Variants in FHOD3 observed in about 807,000 individuals in gnomAD.
FHOD3 encodes the protein FH1/FH2 domain-containing protein 3.
FHOD3 carries 90 observed loss-of-function variants against 173.0 expected under a neutral mutation model. The ratio of observed to expected loss-of-function variants is 0.52; its 90% CI spans 0.44 to 0.62. The LOEUF (loss-of-function observed/expected upper bound fraction) is 0.62, where lower values mean the gene tolerates loss of function less well. Among genes scored for constraint, FHOD3 ranks in the 20% least tolerant of loss-of-function variants. The pLI is 0.00. For synonymous variants in FHOD3, 828 were observed against 823.0 expected (o/e 1.01, Z -0.10); for missense variants, 1,945 against 2,034.7 (o/e 0.96, Z 0.85).
intron 1 of FHOD3, among the ~76,000 whole-genome samples, chr18:36,319,481 A>G (rs575213001): frequency 1.3e-5 from 2 of 152,250 alleles, no homozygotes; most frequent in Non-Finnish European, 2.9e-5. Flanking sequence ...ACCCAGATTC[A>G]TAAAGCAAGT....
At chr18:36,546,640 G>T (rs914178138) in intron 5 of FHOD3, among the ~76,000 whole-genome samples, 4 of 152,162 alleles carry the variant, frequency 2.6e-5, no homozygotes, top group Non-Finnish European at 5.9e-5. Flanking sequence ...AGGTTTGTCT[G>T]TCGCAAGATG....
chr18:36,661,064 A>T (rs1301320014), intron 14 of FHOD3, among the ~76,000 whole-genome samples: 2 of 152,024 alleles, frequency 1.3e-5, no homozygotes, highest in Admixed American at 1.3e-4. Flanking sequence ...TTTTATTAAG[A>T]CCAGGAAGCC....
At chr18:36,460,093 T>C (rs1254051196) in intron 3 of FHOD3, among the ~76,000 whole-genome samples, 7 of 152,218 alleles carry the variant, frequency 4.6e-5, no homozygotes, top group African/African-American at 1.7e-4. Flanking sequence ...TAATGTGCCA[T>C]TCTCACCACA....
chr18:36,401,103 G>C (rs1449652289), intron 3 of FHOD3, among the ~76,000 whole-genome samples: 1 of 152,180 alleles, frequency 6.6e-6, no homozygotes, highest in Non-Finnish European at 1.5e-5. Context: ...GTGATGCATG[G>C]CGTGCTGTGG....
chr18:36,705,988 T>C (rs1470216457), intron 17 of FHOD3, among the ~76,000 whole-genome samples: 2 of 133,530 alleles, frequency 1.5e-5, no homozygotes, highest in Non-Finnish European at 3.2e-5. Context: ...TGTGTGTGTG[T>C]GTGCACGGAG....
chr18:36,513,988 T>C lies in FHOD3; in HGVS notation c.511+1445T>C, dbSNP rs16967913. On this transcript the variant is annotated intron_variant, in intron 5 of 28. Transcript: ENST00000590592. ...TTACAAGTTGTCAGGAGAGATGCTTTATTGCTGAATTTTGCTATTTCTATT... is the reference window on the plus strand; with the variant it reads ...TTACAAGTTGTCAGGAGAGATGCTTCATTGCTGAATTTTGCTATTTCTATT... Among the ~76,000 whole-genome samples the C allele has an allele frequency of 9.6e-3, 1,437 of 150,242 alleles. 18 individuals are homozygous for C. The highest frequency in any genetic ancestry group is 0.033 in the African/African-American group (1,343 of 41,014).
chr18:36,650,264 A>G (rs2035961494), intron 11 of FHOD3, among the ~76,000 whole-genome samples: 1 of 152,132 alleles, frequency 6.6e-6, no homozygotes, highest in South Asian at 2.1e-4. Flanking sequence ...GAATCCAAGT[A>G]AAATCTTTGC....
chr18:36,655,439 C>A (rs1295006792), intron 13 of FHOD3, among the ~76,000 whole-genome samples: 1 of 151,768 alleles, frequency 6.6e-6, no homozygotes, highest in Middle Eastern at 3.2e-3. Context: ...GGGGTGGGAG[C>A]AATAGAAACA....
At chr18:36,728,087 G>A (rs1400323741) in intron 19 of FHOD3, among the ~76,000 whole-genome samples, 1 of 152,132 alleles carries the variant, frequency 6.6e-6, no homozygotes, top group African/African-American at 2.4e-5. Flanking sequence ...TTTTTAATCA[G>A]GAAAACAAAA....
intron 1 of FHOD3, among the ~76,000 whole-genome samples, chr18:36,300,215 G>A (rs1243038378): frequency 6.6e-6 from 1 of 152,186 alleles, no homozygotes; most frequent in African/African-American, 2.4e-5. Flanking sequence ...GTGGGGAACT[G>A]AGATTCAAAC....
At chr18:36,566,596 T>C (rs983253511) in intron 5 of FHOD3, among the ~76,000 whole-genome samples, 1 of 152,196 alleles carries the variant, frequency 6.6e-6, no homozygotes, top group African/African-American at 2.4e-5. Context: ...AGCTGAAGTA[T>C]TTCATGCCTT....
chr18:36,665,584 G>A (rs953483273), intron 14 of FHOD3, among the ~76,000 whole-genome samples: 1 of 151,624 alleles, frequency 6.6e-6, no homozygotes, highest in Non-Finnish European at 1.5e-5. Context: ...GGCCTGGTGG[G>A]GGGGCAGGGA....
chr18:36,611,527 C>T (rs2032674538), intron 8 of FHOD3, among the ~76,000 whole-genome samples: 1 of 152,188 alleles, frequency 6.6e-6, no homozygotes, highest in African/African-American at 2.4e-5. Flanking sequence ...AATCTCTTTC[C>T]AGTCCAGCTC....
At chr18:36,547,982 A>G (rs901243670) in intron 5 of FHOD3, among the ~76,000 whole-genome samples, 11 of 152,348 alleles carry the variant, frequency 7.2e-5, no homozygotes, top group African/African-American at 2.6e-4. Flanking sequence ...ACCTGAGGTC[A>G]GGAGTTAGAG....
chr18:36,702,465 G>A (rs1003667456), intron 17 of FHOD3, among the ~76,000 whole-genome samples: 4 of 152,162 alleles, frequency 2.6e-5, no homozygotes, highest in Middle Eastern at 3.2e-3. Flanking sequence ...TCAGATTTCT[G>A]TGATTAAAAC....
chr18:36,712,011 C>G (rs1473309955), intron 18 of FHOD3, among the ~76,000 whole-genome samples: 1 of 152,188 alleles, frequency 6.6e-6, no homozygotes, highest in Non-Finnish European at 1.5e-5. Context: ...GGAGGGGGCA[C>G]TGACGTTCTA....
Position 36,764,456 on chromosome 18 carries a change from G to A in FHOD3, c.4624+3674G>A, listed in dbSNP as rs571473790. Among the ~76,000 whole-genome samples the A allele has an allele frequency of 3.3e-5, 5 of 152,092 alleles. No individual in the cohort carries two copies. In the South Asian group the frequency reaches 1.0e-3, roughly 32 times the overall value. ...ATGCTAGGCTAAACATGGCCAACAG[G>A]GATGTGAAGGTGAACATTAATGCCT... On this transcript the variant is annotated intron_variant, in intron 27 of 28. Coordinates refer to ENST00000590592, the MANE Select transcript of FHOD3 (RefSeq NM_001281740.3).
chr18:36,649,355 C>T lies in FHOD3; in HGVS notation c.1236C>T (p.Pro412=). 1 of 1,535,864 alleles carries T rather than the reference C, an allele frequency of 6.5e-7. No homozygotes were observed. The highest frequency in any genetic ancestry group is 1.2e-5 in the South Asian group (1 of 84,042). Residue 412 remains proline (P), a synonymous_variant, in exon 11 of 29, where the codon CCC becomes CCT. Transcript: ENST00000590592. The part of the protein sequence containing the change: ...EEEEEQPITE[P]SSEEEREDDA... ...AAGAGGAGCAGCCAATCACGGAGCC[C>T]AGTTCCGAAGAAGAGAGAGAGGATG...
At chr18:36,444,475 G>A (rs1568279864) in intron 3 of FHOD3, among the ~76,000 whole-genome samples, 1 of 152,072 alleles carries the variant, frequency 6.6e-6, no homozygotes, top group Non-Finnish European at 1.5e-5. Context: ...TACACAAAGA[G>A]GCAGACCAGA....
Sources: allele counts gnomAD v4.1 joint callset (sites outside exome capture counted in the v4.1 genomes callset), GRCh38; gene constraint gnomAD v4.1.1; transcripts MANE v1.5; gene names NCBI Gene and HGNC (gene_info 2026-07-23, HGNC 2026-07-21).